The following SPRY3 variants were observed in gnomAD, a reference collection of about 807,000 sequenced individuals.
The protein encoded by SPRY3 is sprouty RTK signaling antagonist 3, also known as protein sprouty homolog 3.
A neutral mutation model predicts 20.2 loss-of-function variants in SPRY3; 15 were observed. The observed-to-expected ratio is 0.74, with a 90% CI of 0.50 to 1.14. SPRY3 has a LOEUF of 1.14. Ranked by LOEUF, SPRY3 falls within the 50% of genes most tolerant of loss-of-function variation. SPRY3 has a pLI of 0.00. For missense variants in SPRY3, 364 were observed against 363.9 expected (o/e 1.00, Z 0.00); for synonymous variants, 143 against 136.5 (o/e 1.05, Z -0.33).
intron 2 of SPRY3, among the ~76,000 whole-genome samples, chrX:155,731,229 C>T (rs2091130188): frequency 6.6e-6 from 1 of 151,986 alleles, no homozygotes; most frequent in South Asian, 2.1e-4. Context: ...AAGAACAAAA[C>T]TGGAGGATCA....
chrX:155,769,542 T>A (rs776621963), intron 3 of SPRY3, among the ~76,000 whole-genome samples: 11 of 151,206 alleles, frequency 7.3e-5, no homozygotes, highest in African/African-American at 1.9e-4. Flanking sequence ...TTTGAGTTTT[T>A]AAAAAAAAAA....
At chrX:155,652,749 G>C (rs1406456251) in intron 1 of SPRY3, among the ~76,000 whole-genome samples, 1 of 111,754 alleles carries the variant, frequency 8.9e-6, no homozygotes, top group Non-Finnish European at 1.9e-5. Flanking sequence ...ATCTTGGAGT[G>C]GAATTGCTGG....
chrX:155,727,617 C>T (rs1032085960), intron 2 of SPRY3, among the ~76,000 whole-genome samples: 6 of 152,108 alleles, frequency 3.9e-5, no homozygotes, highest in Non-Finnish European at 7.3e-5. Flanking sequence ...GCATTCCTCA[C>T]GAAGTTCTCG....
intron 1 of SPRY3, among the ~76,000 whole-genome samples, chrX:155,638,504 T>C (rs2067931781): frequency 9.4e-6 from 1 of 106,558 alleles, no homozygotes; most frequent in East Asian, 3.0e-4. Context: ...AATGGATTTT[T>C]TTGGTCTATT....
At position 155,653,270 on chromosome X, in the gene SPRY3, T is replaced by G. The variant is rs150590694; in HGVS notation, c.-440-3597T>G. On this transcript the variant is annotated intron_variant, in intron 1 of 3. Coordinates refer to ENST00000675360, the Ensembl canonical transcript of SPRY3. Reference sequence around the variant, plus strand: ...TTGATGAAGTCCATTTTATGGTTTTTAAAATTTTGTTACTTGTGCTTTTGG... The same window carrying G: ...TTGATGAAGTCCATTTTATGGTTTTGAAAATTTTGTTACTTGTGCTTTTGG... Among the ~76,000 whole-genome samples the G allele has an allele frequency of 2.7e-3, 301 of 112,147 alleles. 1 individual carries two copies. The highest frequency in any genetic ancestry group is 9.5e-3 in the African/African-American group (294 of 30,930).
intron 3 of SPRY3, among the ~76,000 whole-genome samples, chrX:155,768,816 G>C (rs1041151650): frequency 5.3e-5 from 8 of 152,142 alleles, no homozygotes; most frequent in South Asian, 2.1e-4. Flanking sequence ...CTAGGGCAAT[G>C]GTTTACTGCA....
At chrX:155,727,172 G>T (rs776574140) in intron 2 of SPRY3, among the ~76,000 whole-genome samples, 1 of 152,148 alleles carries the variant, frequency 6.6e-6, no homozygotes, top group Non-Finnish European at 1.5e-5. Context: ...CAAGAGATCC[G>T]CTGTTAGTCT....
intron 2 of SPRY3, chrX:155,767,706 A>AGAG (rs1391656447): frequency 2.2e-5 from 1 of 44,558 alleles, no homozygotes; most frequent in East Asian, 7.3e-4. Context: ...AGGAGAAAGA[A>AGAG]GAGGAGGAGG....
At chrX:155,774,293 G>A in exon 4 of SPRY3, 3 of 1,614,022 alleles carry the variant, frequency 1.9e-6, no homozygotes, top group Non-Finnish European at 2.5e-6. Flanking sequence ...GGGCACCCTA[G>A]TGAGCACCTC....
At chrX:155,678,631 G>C (rs924551535) in intron 2 of SPRY3, among the ~76,000 whole-genome samples, 1 of 111,472 alleles carries the variant, frequency 9.0e-6, no homozygotes. Flanking sequence ...ACTGAAAAGA[G>C]TGGCTTTGTA....
intron 1 of SPRY3, among the ~76,000 whole-genome samples, chrX:155,616,100 G>GTCTCTC (rs781921618): frequency 7.0e-5 from 3 of 42,882 alleles, no homozygotes; most frequent in African/African-American, 1.8e-4. Context: ...TTTATCTGGG[G>GTCTCTC]TCTCTCTCTC....
At chrX:155,652,284 A>C (rs1216095675) in intron 1 of SPRY3, among the ~76,000 whole-genome samples, 3 of 111,909 alleles carry the variant, frequency 2.7e-5, no homozygotes, top group African/African-American at 9.8e-5. Flanking sequence ...TGTACAATTA[A>C]ATTATTATTG....
At chrX:155,775,605 G>C (rs780871014) in exon 4 of SPRY3, 1 of 167,224 alleles carries the variant, frequency 6.0e-6, no homozygotes, top group East Asian at 1.9e-4. Context: ...GAGCGCATGA[G>C]GCGAAGTTAT....
At chrX:155,740,197 A>C (rs193002882) in intron 2 of SPRY3, among the ~76,000 whole-genome samples, 1 of 152,318 alleles carries the variant, frequency 6.6e-6, no homozygotes, top group Admixed American at 6.5e-5. Context: ...CTGAGGATGT[A>C]TGTCACCTCA....
Position 155,689,178 on chromosome X carries a change from T to G in SPRY3, c.-282+32153T>G, listed in dbSNP as rs2068096584. On this transcript the variant is annotated intron_variant, in intron 2 of 3. Coordinates refer to ENST00000675360, the Ensembl canonical transcript of SPRY3. ...TTTGGTGTTTTCATCATGAAATCTT[T>G]GCCCATGCCTATGTTCTGAATGGTA... Among the ~76,000 whole-genome samples the G allele has an allele frequency of 2.3e-5, 2 of 87,983 alleles. 1 individual carries two copies. The highest frequency in any genetic ancestry group is 4.2e-5 in the Non-Finnish European group (2 of 47,156). The allele number at this position is 87,983 out of a possible 115,157, so 76.4% of individuals were successfully genotyped here. A position where few individuals can be genotyped will look rare whatever the true frequency, so the allele number is the denominator to read the frequency against.
At chrX:155,729,501 T>A (rs1199885618) in intron 2 of SPRY3, among the ~76,000 whole-genome samples, 1 of 150,710 alleles carries the variant, frequency 6.6e-6, no homozygotes, top group African/African-American at 2.4e-5. Context: ...AATTTAAAAA[T>A]TTCTTGAAAC....
intron 2 of SPRY3, among the ~76,000 whole-genome samples, chrX:155,713,742 T>G (rs1427031741): frequency 1.3e-5 from 2 of 151,332 alleles, no homozygotes. Context: ...TTCTCTAGGT[T>G]TGGGACATTC....
At chrX:155,674,680 C>T (rs1318028568) in intron 2 of SPRY3, among the ~76,000 whole-genome samples, 1 of 111,162 alleles carries the variant, frequency 9.0e-6, no homozygotes, top group East Asian at 2.8e-4. Flanking sequence ...ACTGTTGACT[C>T]AAGCTTGCTG....
At chrX:155,686,864 G>C (rs964071187) in intron 2 of SPRY3, among the ~76,000 whole-genome samples, 2 of 111,830 alleles carry the variant, frequency 1.8e-5, no homozygotes, top group African/African-American at 3.2e-5. Flanking sequence ...ATATTATCTG[G>C]AGGCTGGGAA....
Sources: allele counts gnomAD v4.1 joint callset (sites outside exome capture counted in the v4.1 genomes callset), GRCh38; gene constraint gnomAD v4.1.1; transcripts MANE v1.5; gene names NCBI Gene and HGNC (gene_info 2026-07-23, HGNC 2026-07-21).